PRELID2: variants seen among roughly 807,000 people sequenced by gnomAD.
The protein encoded by PRELID2 is PRELI domain-containing protein 2.
A neutral mutation model predicts 28.4 loss-of-function variants in PRELID2; 25 were observed. The ratio of observed to expected loss-of-function variants is 0.88; its 90% CI spans 0.64 to 1.23. The LOEUF is 1.23. Ranked by LOEUF, PRELID2 falls within the 50% of genes most tolerant of loss-of-function variation. PRELID2 has a pLI of 0.00. For missense variants in PRELID2, 201 were observed against 214.4 expected (o/e 0.94, Z 0.39); for synonymous variants, 76 against 71.6 (o/e 1.06, Z -0.31).
At chr5:145,243,052 G>A in the PRELID2 span, among the ~76,000 whole-genome samples, 2 of 152,008 alleles carry the variant, frequency 1.3e-5, no homozygotes, top group African/African-American at 2.4e-5. Flanking sequence ...TAACAAAATT[G>A]TAAATAATTG....
the PRELID2 span, among the ~76,000 whole-genome samples, chr5:145,418,344 C>T: frequency 6.6e-6 from 1 of 152,122 alleles, no homozygotes; most frequent in Non-Finnish European, 1.5e-5. Flanking sequence ...ATACTATTTT[C>T]ATTGAACTAC....
the PRELID2 span, among the ~76,000 whole-genome samples, chr5:145,284,547 T>C: frequency 6.6e-6 from 1 of 152,178 alleles, no homozygotes; most frequent in Non-Finnish European, 1.5e-5. Flanking sequence ...CTCTATCTGT[T>C]GAAGTCTAAT....
chr5:145,563,031 T>G (rs1359938695), intron 1 of PRELID2, among the ~76,000 whole-genome samples: 1 of 152,202 alleles, frequency 6.6e-6, no homozygotes, highest in Non-Finnish European at 1.5e-5. Context: ...TCCCTTTTCA[T>G]GTGGGAAATC....
At chr5:145,416,866 G>T in the PRELID2 span, among the ~76,000 whole-genome samples, 1 of 151,800 alleles carries the variant, frequency 6.6e-6, no homozygotes, top group Non-Finnish European at 1.5e-5. Flanking sequence ...TAACCCAAAA[G>T]TCCAAGCCCA....
the PRELID2 span, among the ~76,000 whole-genome samples, chr5:145,274,047 T>TTAAA: frequency 6.6e-6 from 1 of 152,106 alleles, no homozygotes; most frequent in Admixed American, 6.6e-5. Context: ...GCTACAGATT[T>TTAAA]TAAATAAATG....
At chr5:145,298,583 G>T in the PRELID2 span, among the ~76,000 whole-genome samples, 1 of 152,084 alleles carries the variant, frequency 6.6e-6, no homozygotes, top group Non-Finnish European at 1.5e-5. Context: ...ATCATAAAGG[G>T]ACAAGTTTGG....
chr5:145,611,395 C>G (rs1038764911), intron 1 of PRELID2, among the ~76,000 whole-genome samples: 2 of 152,126 alleles, frequency 1.3e-5, no homozygotes, highest in Admixed American at 6.6e-5. Context: ...AACTCCTGAC[C>G]TCCAGTGATC....
intron 1 of PRELID2, among the ~76,000 whole-genome samples, chr5:145,482,933 G>A (rs779999471): frequency 1.3e-5 from 2 of 152,012 alleles, no homozygotes; most frequent in Middle Eastern, 3.2e-3. Flanking sequence ...GAGCTCAGGC[G>A]GTAATGCGTG....
the PRELID2 span, among the ~76,000 whole-genome samples, chr5:145,427,246 C>G: frequency 6.6e-6 from 1 of 152,170 alleles, no homozygotes; most frequent in Non-Finnish European, 1.5e-5. Flanking sequence ...TGGTTTTAGA[C>G]AACCTCAAAA....
Position 145,691,702 on chromosome 5 carries a change from A to C in PRELID2, n.70+73229T>G, listed in dbSNP as rs566634505. Among the ~76,000 whole-genome samples the C allele has an allele frequency of 3.2e-4, 49 of 152,158 alleles. No homozygotes were observed. The South Asian group carries it at 9.8e-3, about 30-fold the overall frequency. ...CACTGCACTCCAGCCTGGGCGACAG[A>C]GTGAGACTCCATCTCAAAAAAAAAA... On this transcript the variant is annotated intron_variant and non_coding_transcript_variant, in intron 1 of 2. Transcript: ENST00000510259.
intron 1 of PRELID2, among the ~76,000 whole-genome samples, chr5:145,643,971 T>G (rs1317439079): frequency 6.6e-6 from 1 of 152,180 alleles, no homozygotes; most frequent in Admixed American, 6.5e-5. Context: ...GGCCTGAAAT[T>G]TTCTTTGTTT....
intron 4 of PRELID2, among the ~76,000 whole-genome samples, chr5:145,813,948 C>T (rs2636306): frequency 0.73 from 110,617 of 152,048 alleles, 40,848 homozygotes; most frequent in Non-Finnish European, 0.81. Flanking sequence ...GAGACTTTCA[C>T]CACAACACTG....
intron 1 of PRELID2, among the ~76,000 whole-genome samples, chr5:145,642,322 A>G (rs1169035402): frequency 1.3e-5 from 2 of 152,192 alleles, no homozygotes; most frequent in South Asian, 2.1e-4. Flanking sequence ...TCTTTAGAGA[A>G]GTGTCTGTTC....
At chr5:145,826,905 T>A (rs1197765370) in intron 1 of PRELID2, among the ~76,000 whole-genome samples, 1 of 152,136 alleles carries the variant, frequency 6.6e-6, no homozygotes, top group Non-Finnish European at 1.5e-5. Context: ...AAAAGAGTTA[T>A]TAAAATATGA....
chr5:145,380,102 GCCCCTA>G, the PRELID2 span, among the ~76,000 whole-genome samples: 2 of 152,172 alleles, frequency 1.3e-5, no homozygotes, highest in Admixed American at 1.3e-4. Context: ...CTGCCTTGCT[GCCCCTA>G]CCACTTCTCT....
At chr5:145,652,940 A>C (rs1333907647) in intron 1 of PRELID2, among the ~76,000 whole-genome samples, 1 of 152,232 alleles carries the variant, frequency 6.6e-6, no homozygotes, top group East Asian at 1.9e-4. Context: ...ACTCCAATTA[A>C]AAGACACAGA....
the PRELID2 span, among the ~76,000 whole-genome samples, chr5:145,406,091 T>C: frequency 6.6e-6 from 1 of 152,018 alleles, no homozygotes; most frequent in Non-Finnish European, 1.5e-5. Flanking sequence ...GTTAAACCAT[T>C]TATGAGCAAT....
chr5:145,546,835 T>C (rs374879328), intron 1 of PRELID2, among the ~76,000 whole-genome samples: 2 of 152,270 alleles, frequency 1.3e-5, no homozygotes, highest in Non-Finnish European at 2.9e-5. Flanking sequence ...ATTCTCATAC[T>C]GGAGAGGAAA....
chr5:145,386,435 T>C, the PRELID2 span, among the ~76,000 whole-genome samples: 1 of 152,132 alleles, frequency 6.6e-6, no homozygotes, highest in African/African-American at 2.4e-5. Flanking sequence ...TGAGGTCTCA[T>C]GAGATCTGAT....
Sources: gnomAD v4.1 joint callset for allele counts (sites outside exome capture counted in the v4.1 genomes callset) on GRCh38, gnomAD v4.1.1 for gene constraint, MANE v1.5 for transcripts, NCBI Gene and HGNC (gene_info 2026-07-23, HGNC 2026-07-21) for gene names.